The following TBC1D1 variants were observed in gnomAD, a reference collection of about 807,000 sequenced individuals.
The protein encoded by TBC1D1 is TBC1 domain family member 1.
Under a neutral mutation model 125.6 loss-of-function variants are expected in TBC1D1, and 89 were observed. That is an observed-to-expected ratio of 0.71 (90% confidence interval 0.60 to 0.85). The LOEUF is 0.85. TBC1D1 is among the 40% of genes least tolerant of loss of function. TBC1D1 has a pLI of 0.00. For synonymous variants in TBC1D1, 565 were observed against 564.1 expected (o/e 1.00, Z -0.02); for missense variants, 1,377 against 1,469.2 (o/e 0.94, Z 1.03).
At chr4:38,043,817 G>A (rs1262967791) in intron 8 of TBC1D1, among the ~76,000 whole-genome samples, 2 of 152,154 alleles carry the variant, frequency 1.3e-5, no homozygotes, top group Non-Finnish European at 2.9e-5. Context: ...GAATTGTATA[G>A]GCAGAGAGAA....
intron 18 of TBC1D1, chr4:38,132,881 G>T: frequency 3.2e-6 from 1 of 314,664 alleles, no homozygotes; most frequent in Non-Finnish European, 6.0e-6. Flanking sequence ...ATTTCTAGAT[G>T]TTTCTTATAT....
chr4:38,049,790 C>T lies in TBC1D1; in HGVS notation c.1802C>T (p.Pro601Leu). Residue 601 changes from proline (P) to leucine (L), a missense_variant, in exon 11 of 20, where the codon CCC (proline) becomes CTC (leucine). Pro to Leu is a moderately conservative substitution (Grantham distance 98). Transcript: ENST00000261439. Reference sequence around the variant, plus strand: ...CGAGCAAACACCCTGAGTCACTTCCCCATCGAATGCCAGGAACCTCCACAA... The same window carrying T: ...CGAGCAAACACCCTGAGTCACTTCCTCATCGAATGCCAGGAACCTCCACAA... The T allele has an allele frequency of 6.2e-7, 1 of 1,614,172 alleles. No individual in the cohort carries two copies. Among genetic ancestry groups the T allele is most frequent in the Middle Eastern group, 1.6e-4 (1 of 6,062 alleles).
chr4:37,928,664 C>T (rs1375423337), intron 2 of TBC1D1, among the ~76,000 whole-genome samples: 2 of 152,208 alleles, frequency 1.3e-5, no homozygotes, highest in African/African-American at 4.8e-5. Flanking sequence ...CAATAAACAG[C>T]CGACCCATGC....
intron 15 of TBC1D1, among the ~76,000 whole-genome samples, chr4:38,114,861 G>A (rs1762712142): frequency 6.6e-6 from 1 of 151,754 alleles, no homozygotes; most frequent in African/African-American, 2.4e-5. Context: ...TCAAAACACT[G>A]CCTATAGTTT....
intron 7 of TBC1D1, among the ~76,000 whole-genome samples, chr4:38,031,200 T>A (rs961591157): frequency 6.6e-6 from 1 of 152,220 alleles, no homozygotes; most frequent in Admixed American, 6.5e-5. Flanking sequence ...AAATAAAATA[T>A]CTCCAAGTCT....
At chr4:37,932,564 T>C (rs973253861) in intron 2 of TBC1D1, among the ~76,000 whole-genome samples, 4 of 152,214 alleles carry the variant, frequency 2.6e-5, no homozygotes, top group Non-Finnish European at 5.9e-5. Flanking sequence ...ATATTTTATT[T>C]CTTCTGAATT....
At chr4:37,931,012 C>T (rs189469230) in intron 2 of TBC1D1, among the ~76,000 whole-genome samples, 112 of 152,320 alleles carry the variant, frequency 7.4e-4, no homozygotes, top group African/African-American at 2.6e-3. Flanking sequence ...TGAGAGAATA[C>T]ATGGTTGTTA....
intron 18 of TBC1D1, among the ~76,000 whole-genome samples, chr4:38,125,668 T>C (rs994034266): frequency 1.3e-5 from 2 of 152,216 alleles, no homozygotes; most frequent in Non-Finnish European, 1.5e-5. Flanking sequence ...GGTTTCAGTA[T>C]ACAATAGAAC....
chr4:38,069,532 G>C (rs986247316), intron 12 of TBC1D1, among the ~76,000 whole-genome samples: 4 of 152,146 alleles, frequency 2.6e-5, no homozygotes, highest in African/African-American at 7.2e-5. Flanking sequence ...AGGAACCAAG[G>C]CTGTCTCTCT....
chr4:38,135,483 C>T (rs781288684), intron 19 of TBC1D1, among the ~76,000 whole-genome samples: 31 of 152,204 alleles, frequency 2.0e-4, no homozygotes, highest in Non-Finnish European at 3.7e-4. Flanking sequence ...ATAAAAGCAT[C>T]GGTGTTATTG....
intron 2 of TBC1D1, among the ~76,000 whole-genome samples, chr4:38,001,223 A>AAGAG (rs1553915782): frequency 6.7e-6 from 1 of 150,070 alleles, no homozygotes; most frequent in East Asian, 2.0e-4. Context: ...CCGTCTCAAA[A>AAGAG]AAAGAAAGAA....
At chr4:38,043,455 T>C (rs1432636431) in intron 8 of TBC1D1, among the ~76,000 whole-genome samples, 1 of 151,536 alleles carries the variant, frequency 6.6e-6, no homozygotes, top group African/African-American at 2.4e-5. Flanking sequence ...AAAAATTAGC[T>C]GTGTGTAGTC....
At chr4:38,027,416 A>G (rs950155944) in intron 6 of TBC1D1, among the ~76,000 whole-genome samples, 2 of 152,200 alleles carry the variant, frequency 1.3e-5, no homozygotes, top group African/African-American at 4.8e-5. Context: ...TGAGCTCAAG[A>G]GTTCGAGACC....
intron 12 of TBC1D1, among the ~76,000 whole-genome samples, chr4:38,073,750 G>C (rs1466969812): frequency 6.6e-6 from 1 of 152,168 alleles, no homozygotes; most frequent in Non-Finnish European, 1.5e-5. Context: ...GGGGCAGTCA[G>C]TGAGGAAGCA....
intron 12 of TBC1D1, among the ~76,000 whole-genome samples, chr4:38,059,402 C>T (rs1156876878): frequency 6.6e-6 from 1 of 152,116 alleles, no homozygotes; most frequent in African/African-American, 2.4e-5. Context: ...AGGAAATCAG[C>T]GATTTTTACT....
At chr4:38,098,578 C>T (rs1759769545) in intron 14 of TBC1D1, among the ~76,000 whole-genome samples, 1 of 152,186 alleles carries the variant, frequency 6.6e-6, no homozygotes, top group African/African-American at 2.4e-5. Context: ...TTATGTGTTG[C>T]CTGACTTTGC....
In TBC1D1 at chr4:37,964,441, T is replaced by C. The variant is rs754050464; in HGVS notation, c.418-50068T>C. ...ATCCAACTGGACACTCAGGTTCCCA[T>C]TAGGCTGTGGCGAGGACCAAGCCCG... On this transcript the variant is annotated intron_variant, in intron 2 of 19. Transcript: ENST00000261439. 6.1e-4 allele frequency among the ~76,000 whole-genome samples: 93 copies of C among 152,338 alleles called. 1 individual carries two copies. Among genetic ancestry groups the C allele is most frequent in the Non-Finnish European group, 6.6e-4 (45 of 68,030 alleles).
At chr4:38,015,251 A>G (rs1269068317) in intron 3 of TBC1D1, among the ~76,000 whole-genome samples, 1 of 152,220 alleles carries the variant, frequency 6.6e-6, no homozygotes, top group African/African-American at 2.4e-5. Context: ...AAACGTGTAA[A>G]TGAGACCAGC....
chr4:38,039,044 T>G (rs192232531), intron 8 of TBC1D1, among the ~76,000 whole-genome samples: 83 of 151,526 alleles, frequency 5.5e-4, no homozygotes, highest in Admixed American at 4.0e-3. Context: ...ACTGTTTTGA[T>G]TTTTTTCACC....
Sources: gnomAD v4.1 joint callset for allele counts (sites outside exome capture counted in the v4.1 genomes callset) on GRCh38, gnomAD v4.1.1 for gene constraint, MANE v1.5 for transcripts, NCBI Gene and HGNC (gene_info 2026-07-23, HGNC 2026-07-21) for gene names.